PRKCH: variants seen among roughly 807,000 people sequenced by gnomAD.
PRKCH encodes the protein protein kinase C eta type.
In PRKCH, 28 loss-of-function variants were observed where a neutral mutation model predicts 82.5. That is an observed-to-expected ratio of 0.34 (90% CI 0.25 to 0.47). The LOEUF is 0.47. Among genes scored for constraint, PRKCH ranks in the 20% least tolerant of loss-of-function variants. The pLI is 1.00. For synonymous variants in PRKCH, 322 were observed against 327.4 expected (o/e 0.98, Z 0.18); for missense variants, 705 against 881.8 (o/e 0.80, Z 2.54).
intron 1 of PRKCH, among the ~76,000 whole-genome samples, chr14:61,248,918 C>T (rs1300551923): frequency 1.3e-5 from 2 of 152,102 alleles, no homozygotes; most frequent in African/African-American, 4.8e-5. Context: ...TCTCATGCCT[C>T]AGCCTCCCAA....
intron 2 of PRKCH, among the ~76,000 whole-genome samples, chr14:61,428,174 A>AT (rs1264946670): frequency 6.6e-6 from 1 of 150,376 alleles, no homozygotes; most frequent in African/African-American, 2.5e-5. Flanking sequence ...TTGAGTTGGT[A>AT]TTTTTGTAGA....
intron 6 of PRKCH, among the ~76,000 whole-genome samples, chr14:61,451,677 G>T (rs1884514849): frequency 6.6e-6 from 1 of 152,212 alleles, no homozygotes; most frequent in Non-Finnish European, 1.5e-5. Flanking sequence ...TTGGCCTTGT[G>T]CCATCTTGTA....
At chr14:61,291,003 T>G (rs2045356505) in intron 1 of PRKCH, among the ~76,000 whole-genome samples, 1 of 152,200 alleles carries the variant, frequency 6.6e-6, no homozygotes. Flanking sequence ...GGAGGTGGGC[T>G]AAGAAAGGAC....
At chr14:61,392,753 G>A (rs2224924) in intron 2 of PRKCH, among the ~76,000 whole-genome samples, 149,509 of 152,080 alleles carry the variant, frequency 0.98, 73,545 homozygotes, top group East Asian at 1. Context: ...AGTTCAATTT[G>A]TTAATCTCAT....
intron 1 of PRKCH, among the ~76,000 whole-genome samples, chr14:61,230,824 CATACCAGAGGAGCTACAGTCTTGTTAAA>C (rs1398508137): frequency 6.6e-6 from 1 of 152,224 alleles, no homozygotes; most frequent in Admixed American, 6.5e-5. Context: ...GTCCAAATTT[CATACCAGAGGAGCTACAGTCTTGTTAAA>C]ATAGTCACAA....
At chr14:61,512,200 C>T (rs1214365556) in intron 10 of PRKCH, among the ~76,000 whole-genome samples, 5 of 147,684 alleles carry the variant, frequency 3.4e-5, no homozygotes, top group African/African-American at 1.3e-4. Context: ...GCTCTGAGGA[C>T]AGGATTTCAT....
At chr14:61,544,207 G>T (rs534606430) in intron 12 of PRKCH, 1 of 152,326 alleles carries the variant, frequency 6.6e-6, no homozygotes, top group East Asian at 1.9e-4. Context: ...GATAGGGAGT[G>T]GTGGGGCATG....
At chr14:61,348,265 C>T (rs2046023237) in intron 1 of PRKCH, among the ~76,000 whole-genome samples, 1 of 152,072 alleles carries the variant, frequency 6.6e-6, no homozygotes, top group Non-Finnish European at 1.5e-5. Flanking sequence ...CCACATGAGT[C>T]GTCAGTGGTG....
chr14:61,398,315 T>C (rs1594662455), intron 2 of PRKCH, among the ~76,000 whole-genome samples: 1 of 152,078 alleles, frequency 6.6e-6, no homozygotes, highest in South Asian at 2.1e-4. Flanking sequence ...AAAGAATAGA[T>C]TGAAACAATG....
intron 1 of PRKCH, among the ~76,000 whole-genome samples, chr14:61,209,901 A>T (rs554934850): frequency 2.0e-5 from 3 of 151,804 alleles, no homozygotes; most frequent in Middle Eastern, 3.4e-3. Context: ...AAATGAGAAC[A>T]TGCAGTATTT....
At chr14:61,257,500 A>C (rs940608030) in intron 1 of PRKCH, among the ~76,000 whole-genome samples, 2 of 152,056 alleles carry the variant, frequency 1.3e-5, no homozygotes, top group African/African-American at 2.4e-5. Flanking sequence ...ATAGAAAATA[A>C]AAACTCATTT....
intron 1 of PRKCH, among the ~76,000 whole-genome samples, chr14:61,211,962 C>A (rs2044585232): frequency 6.6e-6 from 1 of 152,110 alleles, no homozygotes. Context: ...GGTGAAGAGG[C>A]CGCCAGCAGC....
At chr14:61,526,568 A>T (rs2042969017) in intron 10 of PRKCH, among the ~76,000 whole-genome samples, 1 of 152,248 alleles carries the variant, frequency 6.6e-6, no homozygotes, top group Non-Finnish European at 1.5e-5. Flanking sequence ...TGTGGAAACC[A>T]GTCATGCCAG....
At chr14:61,224,048 T>C (rs1366858220) in intron 1 of PRKCH, among the ~76,000 whole-genome samples, 1 of 152,230 alleles carries the variant, frequency 6.6e-6, no homozygotes, top group Non-Finnish European at 1.5e-5. Flanking sequence ...ATATGTTTCA[T>C]AACTCAAAAT....
chr14:61,320,798 G>A (rs182547227), upstream of PRKCH, among the ~76,000 whole-genome samples: 849 of 152,304 alleles, frequency 5.6e-3, 23 homozygotes, highest in Admixed American at 0.05. Context: ...ACAACAAGCT[G>A]GAGTGTTCCT....
chr14:61,522,493 T>C (rs898293029), intron 10 of PRKCH, among the ~76,000 whole-genome samples: 1 of 152,206 alleles, frequency 6.6e-6, no homozygotes, highest in African/African-American at 2.4e-5. Context: ...CTTCATTTCT[T>C]GACTGAACCC....
chr14:61,473,746 A>T (rs1885606412), intron 9 of PRKCH, among the ~76,000 whole-genome samples: 1 of 152,206 alleles, frequency 6.6e-6, no homozygotes, highest in Admixed American at 6.5e-5. Flanking sequence ...TAATCCCAGC[A>T]CTTTGGGAGG....
intron 1 of PRKCH, among the ~76,000 whole-genome samples, chr14:61,333,508 T>C (rs774188063): frequency 6.6e-6 from 1 of 152,198 alleles, no homozygotes; most frequent in African/African-American, 2.4e-5. Flanking sequence ...AATAGTTACT[T>C]AGTAGAAAAC....
At chr14:61,311,919 C>A (rs2045528391) in intron 1 of PRKCH, among the ~76,000 whole-genome samples, 1 of 152,044 alleles carries the variant, frequency 6.6e-6, no homozygotes, top group Non-Finnish European at 1.5e-5. Context: ...AGAAAGAGCC[C>A]CTTATAAAAT....
Sources: allele counts gnomAD v4.1 joint callset (sites outside exome capture counted in the v4.1 genomes callset), GRCh38; gene constraint gnomAD v4.1.1; transcripts MANE v1.5; gene names NCBI Gene and HGNC (gene_info 2026-07-23, HGNC 2026-07-21).